Variants in CNKSR1 observed in about 807,000 individuals in gnomAD.
The protein encoded by CNKSR1 is CNK homolog protein 1.
In CNKSR1, 88 loss-of-function variants were observed where a neutral mutation model predicts 95.6. That is an observed-to-expected ratio of 0.92 (90% CI 0.78 to 1.10). The LOEUF (loss-of-function observed/expected upper bound fraction) is 1.10, where lower values mean the gene tolerates loss of function less well. Among genes scored for constraint, CNKSR1 ranks in the 50% least tolerant of loss-of-function variants. The probability of loss-of-function intolerance (pLI) is 0.00; values close to 1 mark genes in which losing one functional copy is unlikely to be tolerated. For missense variants in CNKSR1, 836 were observed against 912.0 expected, an observed-to-expected ratio of 0.92 and a Z score of 1.07; for synonymous variants, 355 against 369.7, an observed-to-expected ratio of 0.96 and a Z score of 0.46.
At position 26,188,584 on chromosome 1, in the gene CNKSR1, C is replaced by T. The variant is rs369855965; in HGVS notation, c.1591-14C>T. 2.4e-5 allele frequency: 39 copies of T among 1,613,266 alleles called. No homozygotes were observed. The highest frequency in any genetic ancestry group is 3.1e-5 in the Non-Finnish European group (37 of 1,179,740). ...TCAGACAGAAACCCTCTGTGCTTTC[C>T]ACCCTGCCTGCAGCCCAGCCCTGCT... On this transcript the variant is annotated splice_polypyrimidine_tract_variant and intron_variant, in intron 18 of 20. Transcript: ENST00000361530.
intron 2 of CNKSR1, 51 bp downstream of exon 2, chr1:26,180,661 G>A: frequency 6.2e-7 from 1 of 1,614,052 alleles, no homozygotes; most frequent in Non-Finnish European, 8.5e-7. Context: ...CCTGGGGGGT[G>A]TGATGGGGGG....
chr1:26,180,561 TG>T lies in CNKSR1; in HGVS notation c.164del (p.Gly55AspfsTer16), dbSNP rs779916116. 4 of 1,614,084 alleles carry T rather than the reference TG, an allele frequency of 2.5e-6. No individual in the cohort carries two copies. The highest frequency in any genetic ancestry group is 1.7e-6 in the Non-Finnish European group (2 of 1,180,052). ...QSLEALAVRS[L>X]GHQELILGGV... ...CTCGAGGCTCTGGCTGTGCGGTCTCTGGGACACCAGGAGCTCATCCTGGGCG... is the reference window on the plus strand; with the variant it reads ...CTCGAGGCTCTGGCTGTGCGGTCTCTGGACACCAGGAGCTCATCCTGGGCG... On this transcript the variant is annotated frameshift_variant, in exon 2 of 21. Coordinates refer to ENST00000361530, the MANE Select transcript of CNKSR1 (RefSeq NM_006314.3). LOFTEE classifies it high-confidence loss of function.
chr1:26,177,615 G>A lies in CNKSR1; in HGVS notation c.52+16G>A, dbSNP rs1202611913. The A allele has an allele frequency of 1.7e-5, 27 of 1,613,876 alleles. No individual in the cohort carries two copies. The highest frequency in any genetic ancestry group is 1.6e-4 in the Middle Eastern group (1 of 6,084). The stretch of plus-strand genomic sequence containing the variant: ...TGGCTGAGAGGTGGGTGGGGCTGGG[G>A]TAGAGTTGGGCTTGAAGGGGACTAG... On this transcript the variant is annotated intron_variant, in intron 1 of 20. Transcript: ENST00000361530.
At chr1:26,188,061 A>G (rs1375438984) in intron 16 of CNKSR1, among the ~76,000 whole-genome samples, 173 bp from the exon 17 acceptor site, 1 of 152,086 alleles carries the variant, frequency 6.6e-6, no homozygotes, top group African/African-American at 2.4e-5. Context: ...GCACGCAGCC[A>G]GTACTCACTT....
Position 26,189,400 on chromosome 1 carries a change from G to C in CNKSR1, c.1994G>C (p.Trp665Ser). The C allele has an allele frequency of 1.2e-6, 2 of 1,614,174 alleles. No homozygotes were observed. The highest frequency in any genetic ancestry group is 1.7e-6 in the Non-Finnish European group (2 of 1,180,018). Residue 665 changes from tryptophan (W) to serine (S), a missense_variant, in exon 21 of 21, where the codon TGG (tryptophan) becomes TCG (serine). Physicochemically the swap from Trp to Ser is radical, Grantham distance 177 (BLOSUM62 -3). Coordinates refer to ENST00000361530, the MANE Select transcript of CNKSR1 (RefSeq NM_006314.3). ...CTGTACTCAGAGGGCCTGGGGGCCT[G>C]GGGAGTGGCACAGGCTGAAGGCAGC... Reference protein sequence around the residue: ...RELYSEGLGAWGVAQAEGSSH... With the variant: ...RELYSEGLGASGVAQAEGSSH...
chr1:26,188,266 A>G lies in CNKSR1; in HGVS notation c.1487A>G (p.Lys496Arg). ...CGTCATCTCATTACCTGCATCTCCA[A>G]GTACCAGTCTCCAGGCCGGGCCCCC... is the stretch of plus-strand genomic sequence containing the variant. ...WVRHLITCIS[K>R]YQSPGRAPPP... Residue 496 changes from lysine (K) to arginine (R), a missense_variant, in exon 17 of 21, where the codon AAG becomes AGG. Physicochemically the swap from Lys to Arg is conservative, Grantham distance 26 (BLOSUM62 2). Transcript: ENST00000361530. 6.2e-7 allele frequency: 1 copy of G among 1,614,074 alleles called. No individual in the cohort carries two copies. The highest frequency in any genetic ancestry group is 8.5e-7 in the Non-Finnish European group (1 of 1,180,010).
rs771957469 is a variant in CNKSR1 at position 26,188,853 on chromosome 1, T to A, written c.1772T>A (p.Leu591Gln). Reference protein sequence around the residue: ...GVSLLGQPQPLTQEQWRSSFM... With the variant: ...GVSLLGQPQPQTQEQWRSSFM... ...TCCCTCCTAGGCCAGCCACAGCCCC[T>A]GACCCAGGAACAGTGGCGGAGCTCT... The change falls in exon 20 of 21, where the codon CTG becomes CAG. Residue 591 changes from leucine to glutamine, a missense_variant. By Grantham distance (113) the Leu-to-Gln change is moderately radical. Transcript: ENST00000361530. 6.2e-7 allele frequency: 1 copy of A among 1,613,650 alleles called. No homozygotes were observed. The highest frequency in any genetic ancestry group is 2.2e-5 in the East Asian group (1 of 44,860).
At chr1:26,185,322 A>G in intron 14 of CNKSR1, 136 bp downstream of exon 14, 1 of 937,794 alleles carries the variant, frequency 1.1e-6, no homozygotes, top group East Asian at 2.6e-5. Context: ...GACTTTATTC[A>G]GAGAGAAATG....
chr1:26,187,076 C>T (rs1023784856), intron 14 of CNKSR1, 92 bp from the exon 15 acceptor site: 2 of 948,154 alleles, frequency 2.1e-6, no homozygotes, highest in African/African-American at 3.2e-5. Flanking sequence ...CTCCTCTCCA[C>T]AACTCTCAGG....
At chr1:26,185,464 C>A (rs2088732618) in intron 14 of CNKSR1, among the ~76,000 whole-genome samples, 1 of 150,378 alleles carries the variant, frequency 6.6e-6, no homozygotes, top group South Asian at 2.1e-4. Flanking sequence ...ATCATCTCGG[C>A]TCACTGCAAG....
In CNKSR1 at chr1:26,183,764, G is replaced by A; in HGVS notation, c.789G>A (p.Leu263=). Residue 263 remains leucine, a synonymous_variant, in exon 9 of 21, where the codon CTG becomes CTA. Coordinates refer to ENST00000361530, the MANE Select transcript of CNKSR1 (RefSeq NM_006314.3). ...CCCGTAAGAACATGGTGAGGGAACT[G>A]CTGCGGGAGCCAGCCGGACTCAGCT... ...GWPRKNMVRE[L]LREPAGLSLV... 2 of 1,613,696 alleles carry A rather than the reference G, an allele frequency of 1.2e-6. No homozygotes were observed. Among genetic ancestry groups the A allele is most frequent in the Non-Finnish European group, 8.5e-7 (1 of 1,179,778 alleles).
chr1:26,186,587 A>G (rs1368521262), intron 14 of CNKSR1, among the ~76,000 whole-genome samples: 2 of 151,692 alleles, frequency 1.3e-5, no homozygotes, highest in Non-Finnish European at 2.9e-5. Flanking sequence ...CAATTCTCCT[A>G]CTTCAGCCTC....
chr1:26,178,483 C>G (rs922828692), intron 1 of CNKSR1, among the ~76,000 whole-genome samples: 4 of 152,164 alleles, frequency 2.6e-5, no homozygotes, highest in Non-Finnish European at 4.4e-5. Context: ...CAACACACCC[C>G]ACAGGCAGAC....
Position 26,188,298 on chromosome 1 carries a change from C to G in CNKSR1, c.1519C>G (p.Arg507Gly), listed in dbSNP as rs762261953. The change falls in exon 17 of 21, where the codon CGA (arginine) becomes GGA (glycine). Residue 507 changes from arginine to glycine, a missense_variant. By Grantham distance (125) the Arg-to-Gly change is moderately radical. Coordinates refer to ENST00000361530, the MANE Select transcript of CNKSR1 (RefSeq NM_006314.3). Reference protein sequence around the residue: ...YQSPGRAPPPREEDCYSETEA... With the variant: ...YQSPGRAPPPGEEDCYSETEA... Reference sequence around the variant, plus strand: ...GTCTCCAGGCCGGGCCCCCCCACCCCGAGAGGAAGGTAGGTGTCTCGCAGG... The same window carrying G: ...GTCTCCAGGCCGGGCCCCCCCACCCGGAGAGGAAGGTAGGTGTCTCGCAGG... The G allele has an allele frequency of 1.2e-6, 2 of 1,614,086 alleles. No homozygotes were observed. The highest frequency in any genetic ancestry group is 1.7e-6 in the Non-Finnish European group (2 of 1,180,000).
rs185080044 is a variant in CNKSR1 at position 26,189,831 on chromosome 1, T to G, written c.*283T>G. On this transcript the variant is annotated 3_prime_UTR_variant, in exon 21 of 21. Coordinates refer to ENST00000361530, the MANE Select transcript of CNKSR1 (RefSeq NM_006314.3). ...CCAAACCAGGTCTGTACAGGTGTTCTTTATTTTACATGAGGGCTACTTTCC... is the reference window on the plus strand; with the variant it reads ...CCAAACCAGGTCTGTACAGGTGTTCGTTATTTTACATGAGGGCTACTTTCC... 8 of 649,606 alleles carry G rather than the reference T, an allele frequency of 1.2e-5. No homozygotes were observed. The Admixed American group carries it at 1.6e-4, about 13-fold the overall frequency. 40.2% of individuals were successfully genotyped at this position (649,606 alleles called of 1,614,324 possible).
intron 6 of CNKSR1, 69 bp downstream of exon 6, chr1:26,182,653 C>T (rs2088667149): frequency 1.5e-6 from 2 of 1,335,288 alleles, no homozygotes; most frequent in South Asian, 1.2e-5. Flanking sequence ...GAAATAGGGT[C>T]CAGGATCCCA....
chr1:26,188,518 G>A lies in CNKSR1; in HGVS notation c.1590+15G>A. ...ACTCAGCCTCGGTGAGTGGGGGGCT[G>A]CCGGGGGTAGGAGGTGGGGATAAAC... On this transcript the variant is annotated intron_variant, in intron 18 of 20. Coordinates refer to ENST00000361530, the MANE Select transcript of CNKSR1 (RefSeq NM_006314.3). 6.2e-7 allele frequency: 1 copy of A among 1,602,162 alleles called. No individual in the cohort carries two copies. The highest frequency in any genetic ancestry group is 8.5e-7 in the Non-Finnish European group (1 of 1,174,732).
At chr1:26,189,096 C>A in intron 20 of CNKSR1, 143 bp downstream of exon 20, 1 of 1,261,044 alleles carries the variant, frequency 7.9e-7, no homozygotes, top group Non-Finnish European at 1.1e-6. Context: ...TGACAGCGGG[C>A]TCAGCTGTGG....
intron 14 of CNKSR1, 139 bp downstream of exon 14, chr1:26,185,325 G>T: frequency 2.2e-6 from 2 of 913,892 alleles, no homozygotes; most frequent in South Asian, 1.4e-5. Context: ...TTTATTCAGA[G>T]AGAAATGAGT....
Sources: allele counts gnomAD v4.1 joint callset (sites outside exome capture counted in the v4.1 genomes callset), GRCh38; gene constraint gnomAD v4.1.1; transcripts MANE v1.5; gene names NCBI Gene and HGNC (gene_info 2026-07-23, HGNC 2026-07-21).